The following KLF12 variants were observed in gnomAD, a reference collection of about 807,000 sequenced individuals.
KLF12 encodes the protein KLF transcription factor 12.
Under a neutral mutation model 37.8 loss-of-function variants are expected in KLF12, and 9 were observed. The ratio of observed to expected loss-of-function variants is 0.24; its 90% CI spans 0.14 to 0.42. The LOEUF is 0.42. KLF12 is among the 10% of genes least tolerant of loss of function. The pLI is 1.00. For synonymous variants in KLF12, 208 were observed against 202.1 expected, an observed-to-expected ratio of 1.03 and a Z score of -0.25; for missense variants, 411 against 516.0, an observed-to-expected ratio of 0.80 and a Z score of 1.97.
At chr13:74,189,763 CT>C in the KLF12 span, among the ~76,000 whole-genome samples, 1 of 152,182 alleles carries the variant, frequency 6.6e-6, no homozygotes, top group African/African-American at 2.4e-5. Flanking sequence ...GTTATACACT[CT>C]TTTCACATCT....
the KLF12 span, among the ~76,000 whole-genome samples, chr13:74,233,816 A>G: frequency 6.6e-6 from 1 of 152,246 alleles, no homozygotes; most frequent in Non-Finnish European, 1.5e-5. Flanking sequence ...CCAATAAATA[A>G]CATGGTAATA....
the KLF12 span, among the ~76,000 whole-genome samples, chr13:74,196,863 TA>T: frequency 2.0e-5 from 3 of 152,148 alleles, no homozygotes; most frequent in Non-Finnish European, 2.9e-5. Context: ...GTTTAGAATT[TA>T]AAAAAAATTT....
At chr13:73,953,938 T>A (rs1316710230) in intron 2 of KLF12, among the ~76,000 whole-genome samples, 2 of 150,570 alleles carry the variant, frequency 1.3e-5, no homozygotes, top group African/African-American at 4.9e-5. Context: ...GCTAAACAAG[T>A]AAACTAAGTA....
intron 6 of KLF12, among the ~76,000 whole-genome samples, chr13:73,732,340 T>A (rs1023139407): frequency 2.2e-4 from 33 of 152,058 alleles, no homozygotes; most frequent in African/African-American, 7.5e-4. Context: ...TCCATCCACC[T>A]CGGCCCCCCA....
In KLF12 at chr13:73,971,797, A is replaced by T. The variant is rs79397384; in HGVS notation, c.33+23193T>A. On this transcript the variant is annotated intron_variant, in intron 2 of 7. Transcript: ENST00000377669. ...GTAATACTACCACTTTGGGAGGCTA[A>T]GGCAGAAGGATCATTTGTGACCAGA... is the stretch of plus-strand genomic sequence containing the variant. 3.2e-3 allele frequency among the ~76,000 whole-genome samples: 480 copies of T among 152,342 alleles called. 6 individuals carry two copies. In the East Asian group the frequency reaches 0.033, roughly 11 times the overall value.
At chr13:73,976,253 T>A (rs1171198613) in intron 2 of KLF12, among the ~76,000 whole-genome samples, 4 of 152,080 alleles carry the variant, frequency 2.6e-5, no homozygotes, top group Admixed American at 6.6e-5. Flanking sequence ...CAACTCTCAA[T>A]ACACTCTTGA....
In KLF12 at chr13:73,700,281, TA is replaced by T. The variant is rs1450454880; in HGVS notation, c.1028-4611del. 4.0e-4 allele frequency among the ~76,000 whole-genome samples: 60 copies of T among 150,796 alleles called. 2 individuals are homozygous for T. The South Asian group carries it at 4.6e-3, about 12-fold the overall frequency. ...GACTCTGTCTCAAAAAATAAATAAA[TA>T]AATTAATTAATTAATTAAAAAGAAA... On this transcript the variant is annotated intron_variant, in intron 7 of 7. Transcript: ENST00000377669.
intron 1 of KLF12, among the ~76,000 whole-genome samples, chr13:74,023,539 T>C (rs1482247676): frequency 3.9e-5 from 6 of 152,136 alleles, no homozygotes; most frequent in African/African-American, 1.4e-4. Flanking sequence ...TTTCTCTGAG[T>C]TTCTGGTGGT....
At chr13:74,153,755 C>T in the KLF12 span, among the ~76,000 whole-genome samples, 2 of 152,098 alleles carry the variant, frequency 1.3e-5, no homozygotes, top group Non-Finnish European at 2.9e-5. Flanking sequence ...TATTGATTGC[C>T]CTTCTGGTCT....
intron 3 of KLF12, among the ~76,000 whole-genome samples, chr13:73,903,549 T>C (rs561481354): frequency 6.6e-6 from 1 of 152,368 alleles, no homozygotes; most frequent in African/African-American, 2.4e-5. Flanking sequence ...TAAATGTTTA[T>C]TCACAAATCA....
At chr13:73,997,077 C>T (rs561707864) in intron 1 of KLF12, among the ~76,000 whole-genome samples, 28 of 152,274 alleles carry the variant, frequency 1.8e-4, no homozygotes, top group African/African-American at 6.3e-4. Flanking sequence ...AAGCATGGGA[C>T]GGCCTGATAC....
chr13:74,218,897 C>G, the KLF12 span, among the ~76,000 whole-genome samples: 2 of 151,818 alleles, frequency 1.3e-5, no homozygotes, highest in African/African-American at 4.8e-5. Context: ...ATACCACACC[C>G]CAGGAATCAT....
At chr13:73,797,510 C>T (rs1882045383) in intron 5 of KLF12, among the ~76,000 whole-genome samples, 1 of 152,124 alleles carries the variant, frequency 6.6e-6, no homozygotes, top group South Asian at 2.1e-4. Context: ...TGGCTCACGC[C>T]TATAATCCCA....
At chr13:73,737,238 C>A (rs1375400210) in intron 6 of KLF12, among the ~76,000 whole-genome samples, 1 of 152,128 alleles carries the variant, frequency 6.6e-6, no homozygotes, top group Non-Finnish European at 1.5e-5. Flanking sequence ...TATTTTATAT[C>A]CTGCCCTTTC....
At chr13:74,165,700 A>G in the KLF12 span, among the ~76,000 whole-genome samples, 2 of 152,180 alleles carry the variant, frequency 1.3e-5, no homozygotes, top group Non-Finnish European at 2.9e-5. Flanking sequence ...GGGATAAACT[A>G]CTACTGTATT....
intron 1 of KLF12, among the ~76,000 whole-genome samples, chr13:74,006,421 C>T (rs1446322189): frequency 6.6e-6 from 1 of 152,156 alleles, no homozygotes. Flanking sequence ...ACCACCACCC[C>T]AGGTAACTCC....
chr13:73,879,552 T>A (rs979910942), intron 3 of KLF12, among the ~76,000 whole-genome samples: 2 of 152,070 alleles, frequency 1.3e-5, no homozygotes, highest in East Asian at 3.9e-4. Flanking sequence ...ACCACAATAA[T>A]TAAAACGCAG....
At chr13:74,278,586 G>T in the KLF12 span, among the ~76,000 whole-genome samples, 5 of 152,110 alleles carry the variant, frequency 3.3e-5, no homozygotes, top group Admixed American at 6.6e-5. Context: ...CCTCGTGGTT[G>T]TTCCTTAAAA....
the KLF12 span, among the ~76,000 whole-genome samples, chr13:74,231,956 G>T: frequency 6.6e-6 from 1 of 152,150 alleles, no homozygotes; most frequent in Non-Finnish European, 1.5e-5. Context: ...ATTAAAATTA[G>T]ATATTCAAAG....
Sources: allele counts gnomAD v4.1 joint callset (sites outside exome capture counted in the v4.1 genomes callset), GRCh38; gene constraint gnomAD v4.1.1; transcripts MANE v1.5; gene names NCBI Gene and HGNC (gene_info 2026-07-23, HGNC 2026-07-21).